The following ADAMTS9 variants were observed in gnomAD, a reference collection of about 807,000 sequenced individuals.
ADAMTS9 encodes the protein ADAM metallopeptidase with thrombospondin type 1 motif 9.
Under a neutral mutation model 257.1 loss-of-function variants are expected in ADAMTS9, and 107 were observed. The ratio of observed to expected loss-of-function variants is 0.42; its 90% CI spans 0.36 to 0.49. The LOEUF is 0.49. Ranked by LOEUF, ADAMTS9 falls within the 20% of genes least tolerant of loss-of-function variation. The pLI is 0.03. For missense variants in ADAMTS9, 2,353 were observed against 2,469.1 expected (o/e 0.95, Z 1.00); for synonymous variants, 982 against 880.9 (o/e 1.11, Z -2.03).
At chr3:64,610,064 A>C (rs916869726) in intron 22 of ADAMTS9, among the ~76,000 whole-genome samples, 1 of 152,212 alleles carries the variant, frequency 6.6e-6, no homozygotes, top group Non-Finnish European at 1.5e-5. Context: ...GGATACCTAC[A>C]TGCAAAACCA....
intron 30 of ADAMTS9, among the ~76,000 whole-genome samples, chr3:64,556,664 T>C (rs951792712): frequency 6.6e-6 from 1 of 152,190 alleles, no homozygotes; most frequent in Non-Finnish European, 1.5e-5. Flanking sequence ...CTTTATTCTA[T>C]AGAGTGAAAG....
chr3:64,617,562 C>T (rs887954385), intron 19 of ADAMTS9, among the ~76,000 whole-genome samples: 1 of 151,918 alleles, frequency 6.6e-6, no homozygotes, highest in African/African-American at 2.4e-5. Flanking sequence ...ACATAAAATA[C>T]AATTGTATTT....
At position 64,686,164 on chromosome 3, in the gene ADAMTS9, G is replaced by A. The variant is rs908405843; in HGVS notation, c.516+404C>T. 6.6e-6 allele frequency among the ~76,000 whole-genome samples: 1 copy of A among 152,214 alleles called. No homozygotes were observed. Among genetic ancestry groups the A allele is most frequent in the African/African-American group, 2.4e-5 (1 of 41,474 alleles). ...CCTCAGCCCCACATCCCCGATGCAA[G>A]GCGCACCAATAAGGAGTCTGGTCCG... On this transcript the variant is annotated intron_variant, in intron 2 of 39. Coordinates refer to ENST00000498707, the MANE Select transcript of ADAMTS9 (RefSeq NM_182920.2). The surrounding 1 kb of genome is among the most constrained non-coding windows in gnomAD (Gnocchi z 4.6).
At position 64,651,006 on chromosome 3, in the gene ADAMTS9, T is replaced by C. The variant is rs767482112; in HGVS notation, c.1463+11A>G. 6.3e-7 allele frequency: 1 copy of C among 1,596,100 alleles called. No individual in the cohort carries two copies. Among genetic ancestry groups the C allele is most frequent in the South Asian group, 1.1e-5 (1 of 87,160 alleles). On this transcript the variant is annotated intron_variant, in intron 9 of 39. Transcript: ENST00000498707. ...CTAGAAGTTTGTGCTAAAAGAATGT[T>C]CAAGTCTTACTCTAAAAACTCAGTG...
intron 2 of ADAMTS9, among the ~76,000 whole-genome samples, chr3:64,683,242 T>G (rs1701803831): frequency 6.6e-6 from 1 of 152,176 alleles, no homozygotes; most frequent in Non-Finnish European, 1.5e-5. Context: ...ATTTGCCACC[T>G]TTGATTGGTA....
At chr3:64,574,025 A>G (rs540044417) in intron 28 of ADAMTS9, among the ~76,000 whole-genome samples, 2 of 152,228 alleles carry the variant, frequency 1.3e-5, no homozygotes, top group Non-Finnish European at 2.9e-5. Context: ...ATTTATGGAA[A>G]TGAATGAACA....
At chr3:64,517,576 G>A (rs1575968885) in intron 39 of ADAMTS9, among the ~76,000 whole-genome samples, 2 of 151,424 alleles carry the variant, frequency 1.3e-5, no homozygotes, top group East Asian at 1.9e-4. Context: ...TAAAAGTAAT[G>A]TTTGTTTGCT....
chr3:64,618,609 CAG>C (rs898560854), intron 19 of ADAMTS9, among the ~76,000 whole-genome samples: 1 of 152,162 alleles, frequency 6.6e-6, no homozygotes, highest in Non-Finnish European at 1.5e-5. Flanking sequence ...TGGAGGGAAA[CAG>C]AACCTATTTC....
At chr3:64,538,197 C>T (rs940221326) in intron 37 of ADAMTS9, among the ~76,000 whole-genome samples, 7 of 152,134 alleles carry the variant, frequency 4.6e-5, no homozygotes, top group Non-Finnish European at 1.0e-4. Flanking sequence ...AACCTGTCAT[C>T]CTCTCTAATA....
intron 3 of ADAMTS9, among the ~76,000 whole-genome samples, chr3:64,659,330 T>C (rs1364082744): frequency 6.6e-6 from 1 of 152,122 alleles, no homozygotes; most frequent in Non-Finnish European, 1.5e-5. Context: ...TAGCCAGGCA[T>C]GCTGGTACAC....
intron 31 of ADAMTS9, among the ~76,000 whole-genome samples, chr3:64,549,715 T>C (rs960113969): frequency 5.9e-5 from 9 of 152,136 alleles, no homozygotes; most frequent in Admixed American, 5.2e-4. Context: ...CTTAGCCCCA[T>C]CCCTGGCCTC....
intron 12 of ADAMTS9, among the ~76,000 whole-genome samples, chr3:64,637,640 G>A (rs916380978): frequency 6.6e-6 from 1 of 152,224 alleles, no homozygotes; most frequent in Non-Finnish European, 1.5e-5. Context: ...GTTTAGGTAC[G>A]ATGAATTAGG....
intron 12 of ADAMTS9, among the ~76,000 whole-genome samples, chr3:64,638,970 T>A (rs1022068324): frequency 6.6e-6 from 1 of 152,132 alleles, no homozygotes; most frequent in Non-Finnish European, 1.5e-5. Flanking sequence ...CTCGTCGAAC[T>A]GACAAAAGGC....
At chr3:64,629,471 T>C (rs1232609631) in intron 16 of ADAMTS9, among the ~76,000 whole-genome samples, 1 of 152,194 alleles carries the variant, frequency 6.6e-6, no homozygotes, top group Middle Eastern at 3.2e-3. Flanking sequence ...TCTTCCCTAC[T>C]TCAAGGACTT....
At position 64,550,956 on chromosome 3, in the gene ADAMTS9, A is replaced by G. The variant is rs778373396; in HGVS notation, c.4805T>C (p.Val1602Ala). Residue 1602 changes from valine to alanine, a missense_variant, in exon 31 of 40, where the codon GTG (valine) becomes GCG (alanine). This residue lies in a region of ADAMTS9 where 1,402 missense variants were observed against 1,441.4 expected (regional missense o/e 0.97). Coordinates refer to ENST00000498707, the MANE Select transcript of ADAMTS9 (RefSeq NM_182920.2). Reference sequence around the variant, plus strand: ...TTGCAAACTACAGCTTTCACGGTCCACCGGCCGCTTGCTCACGTCACAGCG... The same window carrying G: ...TTGCAAACTACAGCTTTCACGGTCCGCCGGCCGCTTGCTCACGTCACAGCG... ...GARCDVSKRPVDRESCSLQPC... is the reference protein window; with the variant it reads ...GARCDVSKRPADRESCSLQPC... 1.2e-6 allele frequency: 2 copies of G among 1,614,056 alleles called. No homozygotes were observed. The highest frequency in any genetic ancestry group is 1.7e-6 in the Non-Finnish European group (2 of 1,180,040).
rs1559787296 is a variant in ADAMTS9 at position 64,603,980 on chromosome 3, G to A, written c.3689C>T (p.Ala1230Val). 1 of 1,613,894 alleles carries A rather than the reference G, an allele frequency of 6.2e-7. No individual in the cohort carries two copies. The highest frequency in any genetic ancestry group is 1.7e-5 in the Admixed American group (1 of 59,986). ...GGGTGTCACAGAACATTCTTCCTTTGCCACTGGTCTAGGCAGGGTAGCACA... is the reference window on the plus strand; with the variant it reads ...GGGTGTCACAGAACATTCTTCCTTTACCACTGGTCTAGGCAGGGTAGCACA... ...SACATLPRPV[A>V]KEECSVTPCG... Residue 1230 changes from alanine (A) to valine (V), a missense_variant, in exon 25 of 40, where the codon GCA (alanine) becomes GTA (valine). Physicochemically the swap from Ala to Val is moderately conservative, Grantham distance 64. Around this residue, in one of 3 missense-constraint regions of ADAMTS9, gnomAD observed 1,402 missense variants for 1,441.4 expected, o/e 0.97. Coordinates refer to ENST00000498707, the MANE Select transcript of ADAMTS9 (RefSeq NM_182920.2).
chr3:64,667,937 G>A (rs1701389435), intron 3 of ADAMTS9, among the ~76,000 whole-genome samples: 1 of 152,198 alleles, frequency 6.6e-6, no homozygotes, highest in South Asian at 2.1e-4. Flanking sequence ...AGTATAAGAC[G>A]CTGAACATCC....
intron 11 of ADAMTS9, 97 bp downstream of exon 11, chr3:64,647,843 C>A: frequency 2.0e-6 from 2 of 1,015,192 alleles, no homozygotes; most frequent in Non-Finnish European, 2.9e-6. Flanking sequence ...AAACAGACTG[C>A]ATTGTCTTAT....
chr3:64,631,991 T>A, intron 14 of ADAMTS9, 66 bp from the exon 15 acceptor site: 1 of 1,241,272 alleles, frequency 8.1e-7, no homozygotes, highest in Non-Finnish European at 1.2e-6. Flanking sequence ...GCAAATAATG[T>A]GTTTCTTTTA....
Sources: gnomAD v4.1 joint callset for allele counts (sites outside exome capture counted in the v4.1 genomes callset) on GRCh38, gnomAD v4.1.1 for gene constraint, gnomAD v4.1.1 regional missense constraint, Gnocchi (gnomAD v3.1) non-coding constraint, MANE v1.5 for transcripts, NCBI Gene and HGNC (gene_info 2026-07-23, HGNC 2026-07-21) for gene names.